The following SPG21 variants were observed in gnomAD, a reference collection of about 807,000 sequenced individuals.
SPG21 encodes the protein SPG21 abhydrolase domain containing, maspardin.
Under a neutral mutation model 38.9 loss-of-function variants are expected in SPG21, and 26 were observed. That is an observed-to-expected ratio of 0.67 (90% CI 0.49 to 0.93). The LOEUF (loss-of-function observed/expected upper bound fraction) is 0.93. Ranked by LOEUF, SPG21 falls within the 40% of genes least tolerant of loss-of-function variation. The probability of loss-of-function intolerance (pLI) is 0.00; values close to 1 mark genes in which losing one functional copy is unlikely to be tolerated. For missense variants in SPG21, 333 were observed against 376.5 expected, an observed-to-expected ratio of 0.88 and a Z score of 0.96; for synonymous variants, 136 against 128.9, an observed-to-expected ratio of 1.05 and a Z score of -0.37.
intron 7 of SPG21, among the ~76,000 whole-genome samples, chr15:64,966,265 A>C (rs549277967): frequency 6.0e-4 from 91 of 152,326 alleles, no homozygotes; most frequent in African/African-American, 2.1e-3. Context: ...GATTCTAGAC[A>C]TCCTTCAATA....
At chr15:64,967,461 C>T (rs2085563073) in intron 7 of SPG21, among the ~76,000 whole-genome samples, 1 of 141,462 alleles carries the variant, frequency 7.1e-6, no homozygotes, top group Non-Finnish European at 1.5e-5. Context: ...CCATGTCCAG[C>T]TAATTTTCCT....
intron 5 of SPG21, 43 bp downstream of exon 5, chr15:64,974,559 T>C (rs1277907993): frequency 6.2e-7 from 1 of 1,612,400 alleles, no homozygotes; most frequent in African/African-American, 1.3e-5. Context: ...AAAGCCAACA[T>C]TTTCAAAATT....
In SPG21 at chr15:64,982,142, CT is replaced by C. The variant is rs56118434; in HGVS notation, c.64-1118del. Among the ~76,000 whole-genome samples, 396 of 114,612 alleles carry C rather than the reference CT, an allele frequency of 3.5e-3. 2 individuals carry two copies. Among genetic ancestry groups the C allele is most frequent in the African/African-American group, 0.013 (381 of 29,968 alleles). The allele number at this position is 114,612 out of a possible 152,430, so 75.2% of individuals were successfully genotyped here. A position where few individuals can be genotyped will look rare whatever the true frequency, so the allele number is the denominator to read the frequency against. ...CCACTCACATTTTTTCTTTTCTTTT[CT>C]TTTTTTTTTTTTTTTTTTTGAGACA... On this transcript the variant is annotated intron_variant, in intron 2 of 8. Transcript: ENST00000204566.
Position 64,963,732 on chromosome 15 carries a change from T to C in SPG21, c.815A>G (p.His272Arg). ...TTTGGTTCCATGGAATTGCAGCAAA[T>C]GTATCTGTTGAAATGCAGAATCATT... ...SAEVNLYVQI[H>R]LLQFHGTKYA... The change falls in exon 9 of 9, where the codon CAT becomes CGT. Residue 272 changes from histidine to arginine, a missense_variant. Coordinates refer to ENST00000204566, the MANE Select transcript of SPG21 (RefSeq NM_016630.7). 4 of 1,613,254 alleles carry C rather than the reference T, an allele frequency of 2.5e-6. No individual in the cohort carries two copies. The highest frequency in any genetic ancestry group is 3.4e-6 in the Non-Finnish European group (4 of 1,179,290).
intron 3 of SPG21, 32 bp downstream of exon 3, chr15:64,980,831 AC>A: frequency 2.5e-6 from 4 of 1,612,436 alleles, no homozygotes; most frequent in Non-Finnish European, 3.4e-6. Context: ...AACACACAAA[AC>A]GTGGGTCTGA....
chr15:64,975,618 C>T (rs760128738), intron 4 of SPG21, among the ~76,000 whole-genome samples: 25 of 151,822 alleles, frequency 1.6e-4, no homozygotes, highest in Non-Finnish European at 2.8e-4. Flanking sequence ...AAACACATAC[C>T]TAAGAGAACT....
At chr15:64,980,199 C>T (rs2085855218) in intron 3 of SPG21, among the ~76,000 whole-genome samples, 1 of 152,130 alleles carries the variant, frequency 6.6e-6, no homozygotes, top group South Asian at 2.1e-4. Context: ...GTTCCTCCCT[C>T]CACCACTACT....
At chr15:64,989,180 C>A (rs2086064312) in intron 1 of SPG21, 1 of 152,122 alleles carries the variant, frequency 6.6e-6, no homozygotes, top group African/African-American at 2.4e-5. Context: ...TTACACCTGG[C>A]CCACACTCAG....
Position 64,963,647 on chromosome 15 carries a change from G to C in SPG21, c.900C>G (p.Ser300Arg). Residue 300 changes from serine (S) to arginine (R), a missense_variant, in exon 9 of 9, where the codon AGC becomes AGG. By Grantham distance (110) the Ser-to-Arg change is moderately radical. Coordinates refer to ENST00000204566, the MANE Select transcript of SPG21 (RefSeq NM_016630.7). The stretch of plus-strand genomic sequence containing the variant: ...ACTGCTCCTCCTGGCTGATGCCAAG[G>C]CTGCCTTTCTGCACCTCAAGCTCCT... ...SAEELEVQKGSLGISQEEQ is the reference protein window; with the variant it reads ...SAEELEVQKGRLGISQEEQ The C allele has an allele frequency of 1.2e-6, 2 of 1,614,062 alleles. No individual in the cohort carries two copies. Among genetic ancestry groups the C allele is most frequent in the African/African-American group, 1.3e-5 (1 of 75,052 alleles).
chr15:64,964,104 C>T (rs1393019425), intron 8 of SPG21, among the ~76,000 whole-genome samples: 1 of 152,080 alleles, frequency 6.6e-6, no homozygotes, highest in Non-Finnish European at 1.5e-5. Flanking sequence ...TGTATACTGC[C>T]TTCTATAAAA....
At chr15:64,966,272 A>G (rs2085538313) in intron 7 of SPG21, among the ~76,000 whole-genome samples, 1 of 152,208 alleles carries the variant, frequency 6.6e-6, no homozygotes, top group African/African-American at 2.4e-5. Flanking sequence ...GACATCCTTC[A>G]ATACCCATAC....
Position 64,963,658 on chromosome 15 carries a change from G to A in SPG21, c.889C>T (p.Gln297Ter). The part of the protein sequence containing the change: ...SMVSAEELEV[Q>*]KGSLGISQEE... The stretch of plus-strand genomic sequence containing the variant: ...TGGCTGATGCCAAGGCTGCCTTTCT[G>A]CACCTCAAGCTCCTCGGCACTGACC... Residue 297 changes from glutamine to a stop codon, truncating the protein, a stop_gained, in exon 9 of 9, where the codon CAG (glutamine) becomes TAG (stop). Coordinates refer to ENST00000204566, the MANE Select transcript of SPG21 (RefSeq NM_016630.7). LOFTEE classifies it high-confidence loss of function. The A allele has an allele frequency of 6.2e-7, 1 of 1,614,128 alleles. No homozygotes were observed. The highest frequency in any genetic ancestry group is 8.5e-7 in the Non-Finnish European group (1 of 1,180,032).
At position 64,963,474 on chromosome 15, in the gene SPG21, A is replaced by G. The variant is rs2085486728; in HGVS notation, c.*146T>C. 1 of 693,262 alleles carries G rather than the reference A, an allele frequency of 1.4e-6. No individual in the cohort carries two copies. 42.9% of individuals were successfully genotyped at this position (693,262 alleles called of 1,614,324 possible). On this transcript the variant is annotated 3_prime_UTR_variant, in exon 9 of 9. Coordinates refer to ENST00000204566, the MANE Select transcript of SPG21 (RefSeq NM_016630.7). ...CTTAGTGGAGATGCCGCCTGTCATG[A>G]AGATGACCATCAGTCCTACTTCCCA... is the stretch of plus-strand genomic sequence containing the variant.
chr15:64,983,368 A>G, intron 2 of SPG21, 139 bp downstream of exon 2: 1 of 661,086 alleles, frequency 1.5e-6, no homozygotes, highest in Non-Finnish European at 2.8e-6. Context: ...GAAGGAGTGA[A>G]CTTAATCCTC....
At chr15:64,986,710 C>CAAAAA (rs751407182) in intron 1 of SPG21, among the ~76,000 whole-genome samples, 36 of 119,308 alleles carry the variant, frequency 3.0e-4, no homozygotes, top group Non-Finnish European at 5.6e-4. Context: ...CAAAACAAAA[C>CAAAAA]AAAAAACAAA....
Position 64,963,793 on chromosome 15 carries a change from G to T in SPG21, c.811-57C>A, listed in dbSNP as rs1400168168. 11 of 1,525,538 alleles carry T rather than the reference G, an allele frequency of 7.2e-6. No homozygotes were observed. The East Asian group carries it at 2.5e-4, about 35-fold the overall frequency. 94.5% of individuals were successfully genotyped at this position (1,525,538 alleles called of 1,614,324 possible). On this transcript the variant is annotated intron_variant, in intron 8 of 8. Coordinates refer to ENST00000204566, the MANE Select transcript of SPG21 (RefSeq NM_016630.7). ...TTTTTTGAGCTGGAGTGTCACTCTT[G>T]TTGCCCAGGCTGGAGTGCAGTGGCA...
intron 4 of SPG21, among the ~76,000 whole-genome samples, chr15:64,975,968 G>A (rs1048877035): frequency 4.6e-5 from 7 of 152,066 alleles, no homozygotes; most frequent in South Asian, 2.1e-4. Flanking sequence ...GATGAGGACC[G>A]ACTGCTAATG....
chr15:64,971,259 G>A (rs1476055124), intron 5 of SPG21, among the ~76,000 whole-genome samples: 1 of 152,222 alleles, frequency 6.6e-6, no homozygotes, highest in African/African-American at 2.4e-5. Context: ...GGGAGCCGGG[G>A]CCAGGCACGG....
At chr15:64,983,043 T>C (rs1489758422) in intron 2 of SPG21, 5 of 183,410 alleles carry the variant, frequency 2.7e-5, no homozygotes, top group Non-Finnish European at 4.8e-5. Flanking sequence ...GGATCACTTG[T>C]GGTCAGGAGT....
Sources: gnomAD v4.1 joint callset for allele counts (sites outside exome capture counted in the v4.1 genomes callset) on GRCh38, gnomAD v4.1.1 for gene constraint, MANE v1.5 for transcripts, NCBI Gene and HGNC (gene_info 2026-07-23, HGNC 2026-07-21) for gene names.